Variants in CA12 observed in about 807,000 individuals in gnomAD.
The protein encoded by CA12 is carbonic anhydrase 12, also known as carbonate dehydratase XII.
In CA12, 36 loss-of-function variants were observed where a neutral mutation model predicts 46.8. That is an observed-to-expected ratio of 0.77 (90% CI 0.59 to 1.02). CA12 has a LOEUF of 1.02. Among genes scored for constraint, CA12 ranks in the 50% least tolerant of loss-of-function variants. The pLI, the probability that CA12 is intolerant of heterozygous loss-of-function variation, is 0.00. For missense variants in CA12, 436 were observed against 451.4 expected, an observed-to-expected ratio of 0.97 and a Z score of 0.31; for synonymous variants, 202 against 187.0, an observed-to-expected ratio of 1.08 and a Z score of -0.65.
chr15:63,356,500 T>C (rs543964029), intron 2 of CA12, among the ~76,000 whole-genome samples: 1 of 143,404 alleles, frequency 7.0e-6, no homozygotes, highest in South Asian at 2.3e-4. Context: ...AACGTTAAGA[T>C]AGAATTACCA....
rs1399101380 is a variant in CA12, at chr15:63,328,629, C to T, written c.875-499G>A. Among the ~76,000 whole-genome samples, 1 of 152,194 alleles carries T rather than the reference C, an allele frequency of 6.6e-6. No homozygotes were observed. The highest frequency in any genetic ancestry group is 1.5e-5 in the Non-Finnish European group (1 of 68,020). On this transcript the variant is annotated intron_variant, in intron 8 of 10. Coordinates refer to ENST00000178638, the MANE Select transcript of CA12 (RefSeq NM_001218.5). This position sits in a 1 kb window ranked among gnomAD's most constrained non-coding sequence, Gnocchi z 5.9. ...GATTATAGGCGTGAGCCCCTGCGCC[C>T]GGCCCCGATGCTCCTTTATCACAAC...
chr15:63,351,190 C>T (rs571572319), intron 2 of CA12, among the ~76,000 whole-genome samples: 1 of 152,352 alleles, frequency 6.6e-6, no homozygotes, highest in East Asian at 1.9e-4. Flanking sequence ...CTGGGCCCCG[C>T]TCCTCCAAGG....
At chr15:63,381,422 C>A (rs1041526419) in intron 1 of CA12, among the ~76,000 whole-genome samples, 5 of 152,212 alleles carry the variant, frequency 3.3e-5, no homozygotes, top group Non-Finnish European at 7.3e-5. Context: ...CATTTTAACA[C>A]CAAATCTGCG....
Position 63,372,799 on chromosome 15 carries a change from C to T in CA12, c.106+2859G>A, listed in dbSNP as rs765163658. 2.4e-4 allele frequency among the ~76,000 whole-genome samples: 36 copies of T among 152,330 alleles called. 1 individual carries two copies. Among genetic ancestry groups the T allele is most frequent in the Admixed American group, 1.6e-3 (25 of 15,306 alleles). ...TGTCTTCCATCTGTCCTCTCCTGCACGTCCCCTCTGAGGGCTGACTCCACA... is the reference window on the plus strand; with the variant it reads ...TGTCTTCCATCTGTCCTCTCCTGCATGTCCCCTCTGAGGGCTGACTCCACA... On this transcript the variant is annotated intron_variant, in intron 2 of 10. Transcript: ENST00000178638. This position sits in a 1 kb window ranked among gnomAD's most constrained non-coding sequence, Gnocchi z 4.5.
intron 1 of CA12, among the ~76,000 whole-genome samples, chr15:63,380,929 C>T (rs2039636396): frequency 6.6e-6 from 1 of 152,236 alleles, no homozygotes; most frequent in Admixed American, 6.5e-5. Context: ...CCACCTCCTC[C>T]TGTCACTCCA....
intron 2 of CA12, among the ~76,000 whole-genome samples, chr15:63,353,363 C>T (rs1229959593): frequency 6.6e-6 from 1 of 152,076 alleles, no homozygotes; most frequent in Non-Finnish European, 1.5e-5. Flanking sequence ...AGCTCAGAGG[C>T]CCCGCTGCAG....
rs2039539308 is a variant in CA12, at chr15:63,373,952, G to A, written c.106+1706C>T. ...CTTACTTTGTCAGTTCTCTTATCCT[G>A]GCCTGGCCTTCCCCCTCACTGCCAC... is the stretch of plus-strand genomic sequence containing the variant. On this transcript the variant is annotated intron_variant, in intron 2 of 10. Transcript: ENST00000178638. This position sits in a 1 kb window ranked among gnomAD's most constrained non-coding sequence, Gnocchi z 4.9. 6.6e-6 allele frequency among the ~76,000 whole-genome samples: 1 copy of A among 152,124 alleles called. No homozygotes were observed. Among genetic ancestry groups the A allele is most frequent in the South Asian group, 2.1e-4 (1 of 4,836 alleles).
At chr15:63,376,600 T>TTCTTTCTCTC (rs10623502) in intron 1 of CA12, among the ~76,000 whole-genome samples, 12 of 134,210 alleles carry the variant, frequency 8.9e-5, no homozygotes, top group South Asian at 5.4e-4. Context: ...CTTTCTTTCT[T>TTCTTTCTCTC]TCTCTCTCTC....
Position 63,346,695 on chromosome 15 carries a change from T to C in CA12, c.121A>G (p.Asn41Asp), listed in dbSNP as rs2152618479. 1.9e-6 allele frequency: 3 copies of C among 1,614,158 alleles called. No homozygotes were observed. Among genetic ancestry groups the C allele is most frequent in the South Asian group, 1.1e-5 (1 of 91,082 alleles). ...GACGGGTACTTCTTGGACCAGCTATTCTCCCCATCAGGACCTGGACACAGA... is the reference window on the plus strand; with the variant it reads ...GACGGGTACTTCTTGGACCAGCTATCCTCCCCATCAGGACCTGGACACAGA... ...KWTYFGPDGENSWSKKYPSCG... is the reference protein window; with the variant it reads ...KWTYFGPDGEDSWSKKYPSCG... The change falls in exon 3 of 11, where the codon AAT becomes GAT. Residue 41 changes from asparagine to aspartate, a missense_variant. Transcript: ENST00000178638.
At position 63,340,898 on chromosome 15, in the gene CA12, G is replaced by A. The variant is rs961177939; in HGVS notation, c.526-115C>T. 1 of 831,094 alleles carries A rather than the reference G, an allele frequency of 1.2e-6. No individual in the cohort carries two copies. The highest frequency in any genetic ancestry group is 2.1e-6 in the Non-Finnish European group (1 of 483,648). 51.5% of individuals were successfully genotyped at this position (831,094 alleles called of 1,614,324 possible). On this transcript the variant is annotated intron_variant, in intron 5 of 10. Transcript: ENST00000178638. This position sits in a 1 kb window ranked among gnomAD's most constrained non-coding sequence, Gnocchi z 4.4. Reference sequence around the variant, plus strand: ...GGTATGTTGCCACCACTGCCTGAAGGATCCACTTTACTGGACAATTATGAT... The same window carrying A: ...GGTATGTTGCCACCACTGCCTGAAGAATCCACTTTACTGGACAATTATGAT...
intron 8 of CA12, among the ~76,000 whole-genome samples, 181 bp downstream of exon 8, chr15:63,338,638 T>C (rs1203010541): frequency 6.6e-6 from 1 of 152,146 alleles, no homozygotes; most frequent in African/African-American, 2.4e-5. Context: ...AAAGACTCAC[T>C]GAAGGGGGGA....
chr15:63,323,849 A>G lies in CA12; in HGVS notation c.*2436T>C, dbSNP rs2038828219. 6.6e-6 allele frequency: 1 copy of G among 152,242 alleles called. No homozygotes were observed. The highest frequency in any genetic ancestry group is 2.4e-5 in the African/African-American group (1 of 41,464). The allele number at this position is 152,242 out of a possible 1,614,324, so 9.4% of individuals were successfully genotyped here. A position where few individuals can be genotyped will look rare whatever the true frequency, so the allele number is the denominator to read the frequency against. Reference sequence around the variant, plus strand: ...TTTACCAGATGATACTAACTAAACAAACAGAACAAAGAAAGAGATTCAAGA... The same window carrying G: ...TTTACCAGATGATACTAACTAAACAGACAGAACAAAGAAAGAGATTCAAGA... On this transcript the variant is annotated 3_prime_UTR_variant, in exon 11 of 11. Transcript: ENST00000178638. This position sits in a 1 kb window ranked among gnomAD's most constrained non-coding sequence, Gnocchi z 5.1.
Position 63,346,700 on chromosome 15 carries a change from C to G in CA12, c.116G>C (p.Gly39Ala). The stretch of plus-strand genomic sequence containing the variant: ...GTACTTCTTGGACCAGCTATTCTCC[C>G]CATCAGGACCTGGACACAGAGATCC... ...GSKWTYFGPD[G>A]ENSWSKKYPS... is the part of the protein sequence containing the mutation. Residue 39 changes from glycine (G) to alanine (A), a missense_variant, in exon 3 of 11, where the codon GGG becomes GCG. Coordinates refer to ENST00000178638, the MANE Select transcript of CA12 (RefSeq NM_001218.5). 2 of 1,614,182 alleles carry G rather than the reference C, an allele frequency of 1.2e-6. No individual in the cohort carries two copies. Among genetic ancestry groups the G allele is most frequent in the Middle Eastern group, 1.6e-4 (1 of 6,062 alleles).
rs1281457180 is a variant in CA12, at chr15:63,346,711, TG to T, written c.107-3del. On this transcript the variant is annotated splice_region_variant and splice_polypyrimidine_tract_variant and intron_variant, in intron 2 of 10. Coordinates refer to ENST00000178638, the MANE Select transcript of CA12 (RefSeq NM_001218.5). ...ACCAGCTATTCTCCCCATCAGGACC[TG>T]GACACAGAGATCCATGCTCAAGATT... The T allele has an allele frequency of 1.2e-6, 2 of 1,614,166 alleles. No individual in the cohort carries two copies. The highest frequency in any genetic ancestry group is 1.7e-6 in the Non-Finnish European group (2 of 1,179,970).
At position 63,378,840 on chromosome 15, in the gene CA12, G is replaced by A. The variant is rs563913530; in HGVS notation, c.85+2796C>T. 1 of 152,206 alleles carries A rather than the reference G, an allele frequency of 6.6e-6. No homozygotes were observed. Among genetic ancestry groups the A allele is most frequent in the African/African-American group, 2.4e-5 (1 of 41,452 alleles). 9.4% of individuals were successfully genotyped at this position (152,206 alleles called of 1,614,324 possible). ...TTCACCCTTACTTTTCCCCTGAGGA[G>A]GCACAGGCCACTCCAGTGATCCTGG... is the stretch of plus-strand genomic sequence containing the variant. On this transcript the variant is annotated intron_variant, in intron 1 of 10. Coordinates refer to ENST00000178638, the MANE Select transcript of CA12 (RefSeq NM_001218.5). The surrounding 1 kb of genome is among the most constrained non-coding windows in gnomAD (Gnocchi z 4.8).
In CA12 at chr15:63,327,382, G is replaced by A; in HGVS notation, c.908-149C>T. 1 of 727,518 alleles carries A rather than the reference G, an allele frequency of 1.4e-6. No homozygotes were observed. 45.1% of individuals were successfully genotyped at this position (727,518 alleles called of 1,614,324 possible). A position where few individuals can be genotyped will look rare whatever the true frequency, so the allele number is the denominator to read the frequency against. On this transcript the variant is annotated intron_variant, in intron 9 of 10. Transcript: ENST00000178638. This position sits in a 1 kb window ranked among gnomAD's most constrained non-coding sequence, Gnocchi z 4.5. ...TCCCTGTTCTCAGATTCTGGTCTTT[G>A]GCTTAGTGGGACTGGCTGGAGTATT...
chr15:63,333,558 G>T (rs1237393785), intron 8 of CA12, among the ~76,000 whole-genome samples: 1 of 152,234 alleles, frequency 6.6e-6, no homozygotes, highest in African/African-American at 2.4e-5. Context: ...TCCTTTGGGA[G>T]AATCGATGAT....
Position 63,345,478 on chromosome 15 carries a change from T to A in CA12, c.428A>T (p.Glu143Val). 6.2e-7 allele frequency: 1 copy of A among 1,606,618 alleles called. No individual in the cohort carries two copies. The highest frequency in any genetic ancestry group is 1.1e-5 in the South Asian group (1 of 91,048). The change falls in exon 4 of 11, where the codon GAG becomes GTG. Residue 143 changes from glutamate to valine, a missense_variant and splice_region_variant. Coordinates refer to ENST00000178638, the MANE Select transcript of CA12 (RefSeq NM_001218.5). The surrounding 1 kb of genome is among the most constrained non-coding windows in gnomAD (Gnocchi z 4.3). Reference sequence around the variant, plus strand: ...TGCCAGACTGGCAGCCCTACTTACCTCGGCGGCGAAGTGCTGTCCGCTGAC... The same window carrying A: ...TGCCAGACTGGCAGCCCTACTTACCACGGCGGCGAAGTGCTGTCCGCTGAC... ...HTVSGQHFAA[E>V]LHIVHYNSDL...
chr15:63,331,534 A>G lies in CA12; in HGVS notation c.875-3404T>C, dbSNP rs1468832117. Reference sequence around the variant, plus strand: ...GAGGCATCGAGTGGCAGCCCAACAGAAGGAGCTCTGGGGCTGGCTGGTAAG... The same window carrying G: ...GAGGCATCGAGTGGCAGCCCAACAGGAGGAGCTCTGGGGCTGGCTGGTAAG... On this transcript the variant is annotated intron_variant, in intron 8 of 10. Transcript: ENST00000178638. This position sits in a 1 kb window ranked among gnomAD's most constrained non-coding sequence, Gnocchi z 5.3. Among the ~76,000 whole-genome samples the G allele has an allele frequency of 6.6e-6, 1 of 152,194 alleles. No homozygotes were observed. Among genetic ancestry groups the G allele is most frequent in the Non-Finnish European group, 1.5e-5 (1 of 68,034 alleles).
Sources: gnomAD v4.1 joint callset for allele counts (sites outside exome capture counted in the v4.1 genomes callset) on GRCh38, gnomAD v4.1.1 for gene constraint, Gnocchi (gnomAD v3.1) non-coding constraint, MANE v1.5 for transcripts, NCBI Gene and HGNC (gene_info 2026-07-23, HGNC 2026-07-21) for gene names.